Variants in PPARGC1A observed in about 807,000 individuals in gnomAD.
PPARGC1A encodes PPARG coactivator 1 alpha.
Under a neutral mutation model 88.7 loss-of-function variants are expected in PPARGC1A, and 25 were observed. The ratio of observed to expected loss-of-function variants is 0.28; its 90% CI spans 0.21 to 0.39. The LOEUF is 0.39. Among genes scored for constraint, PPARGC1A ranks in the 10% least tolerant of loss-of-function variants. The probability of loss-of-function intolerance (pLI) is 1.00; values close to 1 mark genes in which losing one functional copy is unlikely to be tolerated. For synonymous variants in PPARGC1A, 363 were observed against 355.6 expected, an observed-to-expected ratio of 1.02 and a Z score of -0.24; for missense variants, 880 against 968.7, an observed-to-expected ratio of 0.91 and a Z score of 1.22.
At chr4:24,411,652 A>G in the PPARGC1A span, among the ~76,000 whole-genome samples, 1 of 152,148 alleles carries the variant, frequency 6.6e-6, no homozygotes, top group Non-Finnish European at 1.5e-5. Flanking sequence ...TGCTTTAAAA[A>G]TCCTGTGTTC....
chr4:24,387,608 A>G, the PPARGC1A span, among the ~76,000 whole-genome samples: 1 of 151,742 alleles, frequency 6.6e-6, no homozygotes, highest in Non-Finnish European at 1.5e-5. Flanking sequence ...CTGGTAGCGC[A>G]TGCTGGTAGG....
the PPARGC1A span, among the ~76,000 whole-genome samples, chr4:24,023,471 C>T: frequency 6.6e-6 from 1 of 152,314 alleles, no homozygotes; most frequent in Non-Finnish European, 1.5e-5. Context: ...CACACACAGG[C>T]TCCCTGCTGT....
At chr4:24,040,833 T>C in the PPARGC1A span, among the ~76,000 whole-genome samples, 1 of 152,276 alleles carries the variant, frequency 6.6e-6, no homozygotes, top group East Asian at 1.9e-4. Context: ...TTAAACGTTT[T>C]CCCAACATCC....
the PPARGC1A span, among the ~76,000 whole-genome samples, chr4:24,001,167 T>C: frequency 6.6e-6 from 1 of 152,202 alleles, no homozygotes; most frequent in Admixed American, 6.5e-5. Flanking sequence ...CAGGAACTAA[T>C]AGAGCTCAAG....
At chr4:24,295,800 C>G in the PPARGC1A span, among the ~76,000 whole-genome samples, 1 of 150,614 alleles carries the variant, frequency 6.6e-6, no homozygotes, top group South Asian at 2.1e-4. Context: ...ATGATGCATC[C>G]TTTAAATTGT....
At chr4:23,956,049 G>A in the PPARGC1A span, among the ~76,000 whole-genome samples, 6 of 152,078 alleles carry the variant, frequency 3.9e-5, no homozygotes, top group South Asian at 6.2e-4. Context: ...TATGGACACC[G>A]AAATCTGAAT....
the PPARGC1A span, among the ~76,000 whole-genome samples, chr4:24,016,988 G>A: frequency 1.3e-5 from 2 of 152,120 alleles, no homozygotes; most frequent in African/African-American, 4.8e-5. Flanking sequence ...GTAGGAACAG[G>A]AAGGAAGAGA....
chr4:24,326,914 C>G, the PPARGC1A span, among the ~76,000 whole-genome samples: 5 of 152,152 alleles, frequency 3.3e-5, no homozygotes, highest in African/African-American at 1.2e-4. Flanking sequence ...AGAAGGCCAC[C>G]GCAGTCATTT....
the PPARGC1A span, among the ~76,000 whole-genome samples, chr4:24,185,500 C>T: frequency 6.6e-6 from 1 of 152,140 alleles, no homozygotes; most frequent in Non-Finnish European, 1.5e-5. Flanking sequence ...TATGTAGCCA[C>T]GGTTCCTTCT....
chr4:24,407,031 A>G, the PPARGC1A span, among the ~76,000 whole-genome samples: 1 of 152,008 alleles, frequency 6.6e-6, no homozygotes, highest in African/African-American at 2.4e-5. Flanking sequence ...TTTTTCAGCT[A>G]TGGTGGCCAT....
chr4:23,862,703 G>A (rs1225449155), intron 2 of PPARGC1A, among the ~76,000 whole-genome samples: 5 of 152,154 alleles, frequency 3.3e-5, no homozygotes, highest in African/African-American at 9.7e-5. Flanking sequence ...TGCTGGGCAA[G>A]CCCAAAGCTA....
the PPARGC1A span, among the ~76,000 whole-genome samples, chr4:24,079,211 A>G: frequency 8.4e-3 from 1,274 of 152,174 alleles, 19 homozygotes; most frequent in African/African-American, 0.029. Flanking sequence ...ATGTTACCTA[A>G]TTGATTTCCA....
At chr4:23,827,940 A>G (rs558736854) in intron 5 of PPARGC1A, among the ~76,000 whole-genome samples, 48 of 152,196 alleles carry the variant, frequency 3.2e-4, no homozygotes, top group Middle Eastern at 3.4e-3. Flanking sequence ...TTAGAAAAGG[A>G]ATGTACTTAG....
At chr4:24,099,669 G>A in the PPARGC1A span, among the ~76,000 whole-genome samples, 2 of 152,216 alleles carry the variant, frequency 1.3e-5, no homozygotes, top group Non-Finnish European at 1.5e-5. Flanking sequence ...TATCCAATTG[G>A]TTTACGTACT....
chr4:24,204,803 C>A, the PPARGC1A span, among the ~76,000 whole-genome samples: 4 of 151,852 alleles, frequency 2.6e-5, no homozygotes, highest in African/African-American at 9.7e-5. Context: ...ACCTAGAGAC[C>A]ATTCACGTTT....
chr4:23,885,030 T>G, intron 1 of PPARGC1A, 99 bp from the exon 2 acceptor site: 1 of 1,031,092 alleles, frequency 9.7e-7, no homozygotes, highest in Non-Finnish European at 1.3e-6. Flanking sequence ...CCTAGTTAAT[T>G]CAACTACACT....
At chr4:24,353,879 T>C in the PPARGC1A span, among the ~76,000 whole-genome samples, 2 of 152,328 alleles carry the variant, frequency 1.3e-5, no homozygotes, top group Non-Finnish European at 2.9e-5. Context: ...GAAATCCCTT[T>C]AGCATTAGGA....
At chr4:23,902,254 A>G, upstream of PPARGC1A, among the ~76,000 whole-genome samples, 1 of 152,212 alleles carries the variant, frequency 6.6e-6, no homozygotes, top group Admixed American at 6.5e-5. Context: ...ACAAAACTTT[A>G]AAGTTTTGCA....
the PPARGC1A span, among the ~76,000 whole-genome samples, chr4:24,387,038 C>T: frequency 6.6e-6 from 1 of 152,166 alleles, no homozygotes; most frequent in Non-Finnish European, 1.5e-5. Flanking sequence ...GGTTCCAAAA[C>T]AGATACATAG....
Sources: allele counts gnomAD v4.1 joint callset (sites outside exome capture counted in the v4.1 genomes callset), GRCh38; gene constraint gnomAD v4.1.1; transcripts MANE v1.5; gene names NCBI Gene and HGNC (gene_info 2026-07-23, HGNC 2026-07-21).